Variants in ZBTB20 observed in about 807,000 individuals in gnomAD.
ZBTB20 encodes the protein zinc finger and BTB domain containing 20, also known as zinc finger and BTB domain-containing protein 20.
In ZBTB20, 9 loss-of-function variants were observed where a neutral mutation model predicts 56.9. The ratio of observed to expected loss-of-function variants is 0.16; its 90% confidence interval spans 0.10 to 0.28. The LOEUF (loss-of-function observed/expected upper bound fraction) is 0.28. Ranked by LOEUF, ZBTB20 falls within the 10% of genes least tolerant of loss-of-function variation. The pLI, the probability that ZBTB20 is intolerant of heterozygous loss-of-function variation, is 1.00. For synonymous variants in ZBTB20, 417 were observed against 420.7 expected, an observed-to-expected ratio of 0.99 and a Z score of 0.11; for missense variants, 655 against 1,003.0, an observed-to-expected ratio of 0.65 and a Z score of 4.69.
At position 114,316,397 on chromosome 3, in the gene ZBTB20, T is replaced by TAGCATCTGGTTTTGTAATG. The variant is rs2078685508; in HGVS notation, c.*22589_*22607dup. Reference sequence around the variant, plus strand: ...CTTGTTTCCTCTGCTGCTGTTTGTGTAGCATCTGGTTTTGTAATGAGCATC... The same window carrying TAGCATCTGGTTTTGTAATG: ...CTTGTTTCCTCTGCTGCTGTTTGTGTAGCATCTGGTTTTGTAATGAGCATCTGGTTTTGTAATGAGCATC... On this transcript the variant is annotated 3_prime_UTR_variant, in exon 12 of 12. Transcript: ENST00000675478. 3 of 448,582 alleles carry TAGCATCTGGTTTTGTAATG rather than the reference T, an allele frequency of 6.7e-6. No individual in the cohort carries two copies. Among genetic ancestry groups the TAGCATCTGGTTTTGTAATG allele is most frequent in the African/African-American group, 6.2e-5 (3 of 48,088 alleles). 27.8% of individuals were successfully genotyped at this position (448,582 alleles called of 1,614,324 possible).
intron 7 of ZBTB20, among the ~76,000 whole-genome samples, chr3:114,476,516 G>A (rs1223696302): frequency 6.6e-6 from 1 of 152,320 alleles, no homozygotes; most frequent in Non-Finnish European, 1.5e-5. Context: ...TGAAGGTACT[G>A]GCATCTGGTG....
chr3:114,753,881 C>T (rs2067797112), intron 5 of ZBTB20, among the ~76,000 whole-genome samples: 1 of 151,960 alleles, frequency 6.6e-6, no homozygotes, highest in Non-Finnish European at 1.5e-5. Context: ...AAATATATGT[C>T]GAAAAGAAGG....
Position 114,350,890 on chromosome 3 carries a change from A to G in ZBTB20, c.1188T>C (p.Pro396=). The G allele has an allele frequency of 6.2e-7, 1 of 1,607,012 alleles. No homozygotes were observed. Among genetic ancestry groups the G allele is most frequent in the Non-Finnish European group, 8.5e-7 (1 of 1,179,864 alleles). ...CAGCCTGGCTGTCCCGCGCCGCCCC[A>G]GGCCCAAACTGCTGCTCCACCGAGT... The part of the protein sequence containing the change: ...EPDSVEQQFG[P]GAARDSQAEP... The change falls in exon 11 of 12, where the codon CCT becomes CCC. Residue 396 remains proline (P), a synonymous_variant. Transcript: ENST00000675478.
At chr3:114,539,440 A>T (rs1215951537) in intron 6 of ZBTB20, among the ~76,000 whole-genome samples, 2 of 152,126 alleles carry the variant, frequency 1.3e-5, no homozygotes, top group African/African-American at 4.8e-5. Flanking sequence ...GCTTCCACAT[A>T]CACAGCTCTT....
At chr3:114,544,159 A>G (rs560812697) in intron 6 of ZBTB20, among the ~76,000 whole-genome samples, 2 of 152,354 alleles carry the variant, frequency 1.3e-5, no homozygotes, top group African/African-American at 2.4e-5. Context: ...TAAATTAAAT[A>G]TAAAGCAGTG....
chr3:114,918,622 C>T (rs913847845), intron 3 of ZBTB20, among the ~76,000 whole-genome samples: 19 of 152,190 alleles, frequency 1.2e-4, no homozygotes, highest in African/African-American at 4.1e-4. Flanking sequence ...CAAGGCAGCA[C>T]ATTCCCTTCT....
At chr3:114,839,443 G>GAAAGAAAGAAA (rs1299363288) in intron 4 of ZBTB20, among the ~76,000 whole-genome samples, 1 of 149,182 alleles carries the variant, frequency 6.7e-6, no homozygotes, top group Non-Finnish European at 1.5e-5. Context: ...AAGAAAGAAA[G>GAAAGAAAGAAA]AAAGAAAGAA....
chr3:115,061,954 G>A (rs1172550756), intron 2 of ZBTB20, among the ~76,000 whole-genome samples: 1 of 152,008 alleles, frequency 6.6e-6, no homozygotes, highest in African/African-American at 2.4e-5. Context: ...TAAACATTAT[G>A]CACTCTATGC....
chr3:114,616,144 C>T (rs1577975341), intron 6 of ZBTB20, among the ~76,000 whole-genome samples: 4 of 152,348 alleles, frequency 2.6e-5, no homozygotes, highest in South Asian at 2.1e-4. Context: ...GAACTGGGCA[C>T]TCCAGTACTT....
intron 1 of ZBTB20, chr3:115,103,142 A>G (rs140170372): frequency 6.6e-6 from 1 of 152,312 alleles, no homozygotes; most frequent in Non-Finnish European, 1.5e-5. Flanking sequence ...GTCTGAAGAA[A>G]TCATTGTAAT....
chr3:114,808,259 G>C (rs1347922480), intron 4 of ZBTB20, among the ~76,000 whole-genome samples: 1 of 151,974 alleles, frequency 6.6e-6, no homozygotes, highest in Admixed American at 6.6e-5. Flanking sequence ...GCTAACAATT[G>C]TCTAATTGTT....
intron 5 of ZBTB20, among the ~76,000 whole-genome samples, chr3:114,771,548 T>C (rs2069198792): frequency 6.6e-6 from 1 of 152,188 alleles, no homozygotes; most frequent in Non-Finnish European, 1.5e-5. Flanking sequence ...AATATGAAAA[T>C]ACACAAGATG....
chr3:114,965,430 C>A (rs977691946), intron 3 of ZBTB20, among the ~76,000 whole-genome samples: 1 of 152,024 alleles, frequency 6.6e-6, no homozygotes, highest in Non-Finnish European at 1.5e-5. Context: ...ACCCCTTGAC[C>A]AGCAGCTCCC....
chr3:114,825,595 T>G (rs2073481381), intron 4 of ZBTB20, among the ~76,000 whole-genome samples: 1 of 151,794 alleles, frequency 6.6e-6, no homozygotes, highest in African/African-American at 2.4e-5. Flanking sequence ...GATAATCACT[T>G]AAGAGTTTCG....
intron 10 of ZBTB20, chr3:114,356,079 T>C (rs2081221017): frequency 6.6e-6 from 1 of 152,244 alleles, no homozygotes; most frequent in Non-Finnish European, 1.5e-5. Context: ...CAGCTTGTGA[T>C]GGCATTCCCT....
intron 7 of ZBTB20, among the ~76,000 whole-genome samples, chr3:114,432,212 A>T (rs2090178516): frequency 6.6e-6 from 1 of 151,928 alleles, no homozygotes; most frequent in Non-Finnish European, 1.5e-5. Flanking sequence ...CTGCTTTGAT[A>T]TGTTTAATGC....
chr3:114,399,859 G>C (rs1445425424), intron 7 of ZBTB20, among the ~76,000 whole-genome samples: 2 of 151,908 alleles, frequency 1.3e-5, no homozygotes, highest in Non-Finnish European at 2.9e-5. Context: ...GATACTATTG[G>C]CAATGCTTTA....
chr3:114,496,114 G>A (rs566106742), intron 7 of ZBTB20, among the ~76,000 whole-genome samples: 32 of 152,024 alleles, frequency 2.1e-4, no homozygotes, highest in Non-Finnish European at 4.6e-4. Context: ...AAAATCCCTT[G>A]GAAATTGCTG....
intron 1 of ZBTB20, among the ~76,000 whole-genome samples, chr3:115,093,720 T>C (rs564325111): frequency 6.6e-5 from 10 of 152,272 alleles, no homozygotes; most frequent in African/African-American, 2.4e-4. Flanking sequence ...TATAAAAATC[T>C]GCTCACAACT....
Sources: gnomAD v4.1 joint callset for allele counts (sites outside exome capture counted in the v4.1 genomes callset) on GRCh38, gnomAD v4.1.1 for gene constraint, MANE v1.5 for transcripts, NCBI Gene and HGNC (gene_info 2026-07-23, HGNC 2026-07-21) for gene names.